MCEE: variants seen among roughly 807,000 people sequenced by gnomAD.
MCEE encodes methylmalonyl-CoA epimerase, mitochondrial.
Under a neutral mutation model 12.9 loss-of-function variants are expected in MCEE, and 6 were observed. The observed-to-expected ratio is 0.47, with a 90% CI of 0.26 to 0.92. The LOEUF (loss-of-function observed/expected upper bound fraction) is 0.92, where lower values mean the gene tolerates loss of function less well. Ranked by LOEUF, MCEE falls within the 40% of genes least tolerant of loss-of-function variation. The probability of loss-of-function intolerance (pLI) is 0.16; values close to 1 mark genes in which losing one functional copy is unlikely to be tolerated. For synonymous variants in MCEE, 78 were observed against 77.9 expected (o/e 1.00, Z -0.01); for missense variants, 214 against 212.1 (o/e 1.01, Z -0.05).
chr2:71,124,328 C>A lies in MCEE; in HGVS notation c.256G>T (p.Val86Phe), dbSNP rs747222856. 21 of 1,614,074 alleles carry A rather than the reference C, an allele frequency of 1.3e-5. No homozygotes were observed. The highest frequency in any genetic ancestry group is 1.7e-5 in the Non-Finnish European group (20 of 1,180,042). The change falls in exon 2 of 3, where the codon GTT becomes TTT. Residue 86 changes from valine to phenylalanine, a missense_variant. Physicochemically the swap from Val to Phe is conservative, Grantham distance 50. Coordinates refer to ENST00000244217, the MANE Select transcript of MCEE (RefSeq NM_032601.4). ...GTATTTCCCAGGTTGACAAAAACAA[C>A]AGATACTCCATGTTCAGGAAGAGGG... ...AVPLPEHGVS[V>F]VFVNLGNTKM...
chr2:71,121,302 C>T (rs1381033558), intron 2 of MCEE, among the ~76,000 whole-genome samples: 2 of 152,224 alleles, frequency 1.3e-5, no homozygotes, highest in Non-Finnish European at 2.9e-5. Flanking sequence ...CTTCCCTTCC[C>T]TCTGGCTGGC....
At chr2:71,113,267 T>C (rs747882291) in intron 2 of MCEE, among the ~76,000 whole-genome samples, 3 of 152,202 alleles carry the variant, frequency 2.0e-5, no homozygotes, top group Non-Finnish European at 4.4e-5. Context: ...TATAGTTATA[T>C]ACAGAAATGT....
At chr2:71,126,568 CAAAAAAAAAA>C (rs70959207) in intron 1 of MCEE, among the ~76,000 whole-genome samples, 2 of 72,154 alleles carry the variant, frequency 2.8e-5, no homozygotes, top group Non-Finnish European at 5.0e-5. Context: ...TACATTTTAC[CAAAAAAAAAA>C]AAAAAAAAAA....
intron 2 of MCEE, among the ~76,000 whole-genome samples, chr2:71,117,871 A>G (rs6749655): frequency 0.3 from 44,157 of 148,848 alleles, 9,009 homozygotes; most frequent in East Asian, 0.66. Flanking sequence ...GGTCCCTATG[A>G]TTCTGCAGCC....
intron 2 of MCEE, among the ~76,000 whole-genome samples, chr2:71,123,368 G>A (rs1673139614): frequency 1.3e-5 from 2 of 151,976 alleles, no homozygotes; most frequent in Non-Finnish European, 2.9e-5. Context: ...GCGCATGCCT[G>A]TAATCCCAGC....
rs192602061 is a variant in MCEE at position 71,115,904 on chromosome 2, G to T, written c.379-5782C>A. Among the ~76,000 whole-genome samples the T allele has an allele frequency of 3.9e-3, 580 of 149,200 alleles. 44 individuals are homozygous for T. The highest frequency in any genetic ancestry group is 0.014 in the African/African-American group (554 of 38,926). On this transcript the variant is annotated intron_variant, in intron 2 of 2. Coordinates refer to ENST00000244217, the MANE Select transcript of MCEE (RefSeq NM_032601.4). Reference sequence around the variant, plus strand: ...TGCAGCAAACCACTATGGCACATGTGTACCTTATGTAACAAACCTGCACGT... The same window carrying T: ...TGCAGCAAACCACTATGGCACATGTTTACCTTATGTAACAAACCTGCACGT...
At chr2:71,115,791 G>A (rs539438651) in intron 2 of MCEE, among the ~76,000 whole-genome samples, 2 of 136,778 alleles carry the variant, frequency 1.5e-5, no homozygotes, top group South Asian at 5.3e-4. Flanking sequence ...ACAGGGTGGG[G>A]AGTCATATAC....
Position 71,114,820 on chromosome 2 carries a change from G to A in MCEE, c.379-4698C>T, listed in dbSNP as rs1006571137. ...TAAGGAAAAAAGAAAAAAAGATGAC[G>A]TGTAGCAAGAGCTTGAAAACTGTTG... On this transcript the variant is annotated intron_variant, in intron 2 of 2. Coordinates refer to ENST00000244217, the MANE Select transcript of MCEE (RefSeq NM_032601.4). Among the ~76,000 whole-genome samples the A allele has an allele frequency of 1.4e-4, 21 of 152,310 alleles. No homozygotes were observed. The East Asian group carries it at 3.3e-3, about 24-fold the overall frequency.
rs950559780 is a variant in MCEE, at chr2:71,117,218, C to T, written c.378+6988G>A. Among the ~76,000 whole-genome samples, 6 of 150,404 alleles carry T rather than the reference C, an allele frequency of 4.0e-5. 1 individual carries two copies. The highest frequency in any genetic ancestry group is 1.5e-4 in the African/African-American group (6 of 39,786). On this transcript the variant is annotated intron_variant, in intron 2 of 2. Transcript: ENST00000244217. ...AAAGCTAAAAGCTGAGTGAATTATG[C>T]AAGCCTAACACTGTCTCACTTTACA... is the stretch of plus-strand genomic sequence containing the variant.
chr2:71,125,200 TA>T (rs1558748242), intron 1 of MCEE, among the ~76,000 whole-genome samples: 1 of 57,420 alleles, frequency 1.7e-5, no homozygotes, highest in Non-Finnish European at 3.4e-5. Flanking sequence ...TATATATATA[TA>T]TATATATATA....
chr2:71,117,410 C>T (rs1460895832), intron 2 of MCEE: 2 of 150,172 alleles, frequency 1.3e-5, no homozygotes, highest in Non-Finnish European at 2.9e-5. Flanking sequence ...TTTTAATTCC[C>T]TAGTTTATTG....
Position 71,124,366 on chromosome 2 carries a change from A to G in MCEE, c.218T>C (p.Val73Ala). ...AFYKNILGAQ[V>A]SEAVPLPEHG... ...TTCAGGAAGAGGGACCGCTTCACTT[A>G]CCTGGGCCCCCAGAATATTCTTATA... Residue 73 changes from valine (V) to alanine (A), a missense_variant, in exon 2 of 3, where the codon GTA (valine) becomes GCA (alanine). Transcript: ENST00000244217. 1 of 1,614,144 alleles carries G rather than the reference A, an allele frequency of 6.2e-7. No individual in the cohort carries two copies. Among genetic ancestry groups the G allele is most frequent in the Non-Finnish European group, 8.5e-7 (1 of 1,179,998 alleles).
chr2:71,113,208 A>T (rs965528754), intron 2 of MCEE, among the ~76,000 whole-genome samples: 1 of 152,234 alleles, frequency 6.6e-6, no homozygotes, highest in Admixed American at 6.5e-5. Context: ...TTAGAGCTGG[A>T]GACGTCAGTA....
intron 1 of MCEE, among the ~76,000 whole-genome samples, chr2:71,125,498 T>C (rs1309595985): frequency 5.9e-5 from 9 of 151,402 alleles, no homozygotes; most frequent in Non-Finnish European, 8.8e-5. Context: ...TGAGCCACTG[T>C]GCCCACCCTA....
At position 71,115,551 on chromosome 2, in the gene MCEE, G is replaced by A. The variant is rs1218239200; in HGVS notation, c.379-5429C>T. ...TAAGAGTACTCCTAATGCTTTGTTTGGCAGTAATAAAAAGAATAAAATTAA... is the reference window on the plus strand; with the variant it reads ...TAAGAGTACTCCTAATGCTTTGTTTAGCAGTAATAAAAAGAATAAAATTAA... On this transcript the variant is annotated intron_variant, in intron 2 of 2. Coordinates refer to ENST00000244217, the MANE Select transcript of MCEE (RefSeq NM_032601.4). 2.7e-5 allele frequency among the ~76,000 whole-genome samples: 4 copies of A among 150,152 alleles called. 1 individual carries two copies. The highest frequency in any genetic ancestry group is 7.6e-5 in the African/African-American group (3 of 39,602).
chr2:71,124,662 T>G, intron 1 of MCEE, 119 bp from the exon 2 acceptor site: 1 of 794,206 alleles, frequency 1.3e-6, no homozygotes, highest in South Asian at 1.5e-5. Context: ...ATCTGTTCTT[T>G]TTAATTATTG....
chr2:71,120,824 G>A (rs1673085823), intron 2 of MCEE, among the ~76,000 whole-genome samples: 1 of 151,546 alleles, frequency 6.6e-6, no homozygotes, highest in Admixed American at 6.6e-5. Flanking sequence ...TGCAACCTCT[G>A]CCTCCCAGGT....
chr2:71,121,198 C>A (rs1673094793), intron 2 of MCEE, among the ~76,000 whole-genome samples: 1 of 152,152 alleles, frequency 6.6e-6, no homozygotes, highest in Non-Finnish European at 1.5e-5. Context: ...AGAAGTGTGT[C>A]ATGTAACTAA....
rs1486053491 is a variant in MCEE, at chr2:71,124,522, G to A, written c.62C>T (p.Ala21Val). ...NAVGLFSRLQ[A>V]PIPTVRASST... Reference sequence around the variant, plus strand: ...AGAAGCTCTTACTGTTGGAATGGGAGCTTGAAGTCTGGAAAAAAGCCCTGA... The same window carrying A: ...AGAAGCTCTTACTGTTGGAATGGGAACTTGAAGTCTGGAAAAAAGCCCTGA... The change falls in exon 2 of 3, where the codon GCT (alanine) becomes GTT (valine). Residue 21 changes from alanine to valine, a missense_variant. Ala to Val is a moderately conservative substitution (Grantham distance 64). Coordinates refer to ENST00000244217, the MANE Select transcript of MCEE (RefSeq NM_032601.4). 2 of 1,613,916 alleles carry A rather than the reference G, an allele frequency of 1.2e-6. No individual in the cohort carries two copies. The highest frequency in any genetic ancestry group is 1.7e-6 in the Non-Finnish European group (2 of 1,180,000).
Sources: allele counts gnomAD v4.1 joint callset (sites outside exome capture counted in the v4.1 genomes callset), GRCh38; gene constraint gnomAD v4.1.1; transcripts MANE v1.5; gene names NCBI Gene and HGNC (gene_info 2026-07-23, HGNC 2026-07-21).